Variants in IL1R2 observed in about 807,000 individuals in gnomAD.
The protein encoded by IL1R2 is interleukin 1 receptor type 2, also known as interleukin-1 receptor type 2.
In IL1R2, 46 loss-of-function variants were observed where a neutral mutation model predicts 39.5. The ratio of observed to expected loss-of-function variants is 1.16; its 90% CI spans 0.92 to 1.49. IL1R2 has a LOEUF of 1.49. Among genes scored for constraint, IL1R2 ranks in the 40% most tolerant of loss-of-function variants. The pLI, the probability that IL1R2 is intolerant of heterozygous loss-of-function variation, is 0.00. For missense variants in IL1R2, 537 were observed against 502.0 expected, an observed-to-expected ratio of 1.07 and a Z score of -0.67; for synonymous variants, 207 against 189.6, an observed-to-expected ratio of 1.09 and a Z score of -0.75.
chr2:102,022,083 A>T, intron 5 of IL1R2, 104 bp from the exon 6 acceptor site: 1 of 923,074 alleles, frequency 1.1e-6, no homozygotes, highest in Non-Finnish European at 1.8e-6. Context: ...ATGACTGGCC[A>T]TACTGGAAAG....
rs150067707 is a variant in IL1R2, at chr2:102,024,546, A to T, written c.765A>T (p.Thr255=). ...TISASLGSRL[T]IPCKVFLGTG... is the part of the protein sequence containing the mutation. ...TGCCATCCACAGGGTCAAGACTGAC[A>T]ATCCCGTGTAAGGTGTTTCTGGGAA... The change falls in exon 7 of 9, where the codon ACA becomes ACT. Residue 255 remains threonine (T), a synonymous_variant. Coordinates refer to ENST00000332549, the MANE Select transcript of IL1R2 (RefSeq NM_004633.4). 4.2e-5 allele frequency: 68 copies of T among 1,614,000 alleles called. No individual in the cohort carries two copies. The highest frequency in any genetic ancestry group is 4.0e-4 in the South Asian group (36 of 91,074).
In IL1R2 at chr2:102,028,346, CTG is replaced by C. The variant is rs1677864027; in HGVS notation, c.1154_1155del (p.Val385AlafsTer16). On this transcript the variant is annotated frameshift_variant, in exon 9 of 9. Transcript: ENST00000332549. LOFTEE classifies it low-confidence loss of function (END_TRUNC). ...AGAACTGGAAAAGCAGATGGTCTGA[CTG>C]TGCTATGGCCTCATCATCAAGACTT... 3.1e-6 allele frequency: 5 copies of C among 1,610,180 alleles called. No homozygotes were observed. The highest frequency in any genetic ancestry group is 3.4e-6 in the Non-Finnish European group (4 of 1,178,508).
At chr2:102,009,271 A>AT in intron 2 of IL1R2, among the ~76,000 whole-genome samples, 1 of 152,256 alleles carries the variant, frequency 6.6e-6, no homozygotes, top group East Asian at 1.9e-4. Context: ...TTAATCTTTA[A>AT]TTTTTTGTCA....
chr2:102,006,286 A>C lies in IL1R2; in HGVS notation c.-61-2229A>C, dbSNP rs1271105374. 2.6e-5 allele frequency among the ~76,000 whole-genome samples: 4 copies of C among 152,180 alleles called. No homozygotes were observed. The East Asian group carries it at 7.7e-4, about 29-fold the overall frequency. Reference sequence around the variant, plus strand: ...ATGTGACCTTCATCTGGCAAACCTGACAGTATGGTTAGGGGTAAAGTCACA... The same window carrying C: ...ATGTGACCTTCATCTGGCAAACCTGCCAGTATGGTTAGGGGTAAAGTCACA... On this transcript the variant is annotated intron_variant, in intron 1 of 8. Transcript: ENST00000332549.
Position 102,014,082 on chromosome 2 carries a change from G to T in IL1R2, c.333-1789G>T, listed in dbSNP as rs3218886. Among the ~76,000 whole-genome samples, 1,310 of 152,144 alleles carry T rather than the reference G, an allele frequency of 8.6e-3. 21 individuals are homozygous for T. Among genetic ancestry groups the T allele is most frequent in the African/African-American group, 0.03 (1,254 of 41,486 alleles). ...TTTTATGAAGTTTCTTGCTCAAGGG[G>T]AATTACCAGATCAATAATGTGAACA... On this transcript the variant is annotated intron_variant, in intron 3 of 8. Transcript: ENST00000332549.
At chr2:102,019,405 G>A (rs1677216347) in intron 4 of IL1R2, among the ~76,000 whole-genome samples, 1 of 152,046 alleles carries the variant, frequency 6.6e-6, no homozygotes, top group Non-Finnish European at 1.5e-5. Context: ...GGACAAATAT[G>A]CTCTAACTAT....
Position 102,018,549 on chromosome 2 carries a change from G to T in IL1R2, c.514-1089G>T, listed in dbSNP as rs3218933. On this transcript the variant is annotated intron_variant, in intron 4 of 8. Coordinates refer to ENST00000332549, the MANE Select transcript of IL1R2 (RefSeq NM_004633.4). ...AATGTGCATGGACAAAGATGTCATG[G>T]TGATGCTTAGTAATATTTATTCCCT... Among the ~76,000 whole-genome samples, 1,284 of 152,308 alleles carry T rather than the reference G, an allele frequency of 8.4e-3. 19 individuals carry two copies. The highest frequency in any genetic ancestry group is 0.03 in the African/African-American group (1,229 of 41,558).
At chr2:101,993,109 C>G (rs1391054325) in intron 1 of IL1R2, among the ~76,000 whole-genome samples, 1 of 152,050 alleles carries the variant, frequency 6.6e-6, no homozygotes, top group East Asian at 1.9e-4. Context: ...GAATGGAGGG[C>G]TTTCTTCCTT....
chr2:102,014,939 G>A (rs1676893655), intron 3 of IL1R2, among the ~76,000 whole-genome samples: 1 of 137,668 alleles, frequency 7.3e-6, no homozygotes, highest in African/African-American at 2.6e-5. Context: ...ATAATGATTA[G>A]GCTAGTAAAA....
At chr2:102,015,827 T>G in intron 3 of IL1R2, 44 bp from the exon 4 acceptor site, 1 of 1,470,132 alleles carries the variant, frequency 6.8e-7, no homozygotes, top group Non-Finnish European at 9.5e-7. Flanking sequence ...AGCTTTACTT[T>G]TATTTTGCCT....
rs3218856 is a variant in IL1R2 at position 102,010,204 on chromosome 2, T to A, written c.332+378T>A. On this transcript the variant is annotated intron_variant, in intron 3 of 8. Coordinates refer to ENST00000332549, the MANE Select transcript of IL1R2 (RefSeq NM_004633.4). ...ATGTAAACTCTGCAAGGGCAGGGAC[T>A]TGGTCTATGTTGTTCACTGTTGAAG... The A allele has an allele frequency of 4.9e-3, 1,028 of 208,942 alleles. 10 individuals are homozygous for A. Among genetic ancestry groups the A allele is most frequent in the African/African-American group, 0.022 (963 of 43,330 alleles). 12.9% of individuals were successfully genotyped at this position (208,942 alleles called of 1,614,324 possible). A position where few individuals can be genotyped will look rare whatever the true frequency, so the allele number is the denominator to read the frequency against.
At chr2:102,010,046 G>A (rs914782959) in intron 3 of IL1R2, 8 of 574,936 alleles carry the variant, frequency 1.4e-5, no homozygotes, top group South Asian at 4.4e-5. Context: ...TGGAGACAAC[G>A]TCCCTAGCCA....
intron 3 of IL1R2, among the ~76,000 whole-genome samples, chr2:102,013,443 G>C (rs1162929428): frequency 7.3e-6 from 1 of 136,178 alleles, no homozygotes; most frequent in Non-Finnish European, 1.5e-5. Flanking sequence ...CAAGCCATCA[G>C]AGAGGCCAAG....
At chr2:102,010,207 G>A (rs1423698628) in intron 3 of IL1R2, 2 of 207,444 alleles carry the variant, frequency 9.6e-6, no homozygotes, top group African/African-American at 4.6e-5. Context: ...CAGGGACTTG[G>A]TCTATGTTGT....
At chr2:102,024,691 T>C (rs377733536) in intron 7 of IL1R2, 23 bp downstream of exon 7, 2 of 1,613,834 alleles carry the variant, frequency 1.2e-6, no homozygotes, top group African/African-American at 1.3e-5. Flanking sequence ...GGGTCTTCTG[T>C]TGAGAACTCT....
At chr2:102,007,694 T>C (rs1676352705) in intron 1 of IL1R2, among the ~76,000 whole-genome samples, 1 of 152,150 alleles carries the variant, frequency 6.6e-6, no homozygotes, top group Admixed American at 6.5e-5. Flanking sequence ...GTAAAGTTTT[T>C]CCCCTATTGA....
At chr2:101,994,760 G>A (rs747232293) in intron 1 of IL1R2, among the ~76,000 whole-genome samples, 8 of 152,232 alleles carry the variant, frequency 5.3e-5, no homozygotes, top group Non-Finnish European at 7.3e-5. Flanking sequence ...TGAATATGTG[G>A]CTGATTCTGA....
intron 1 of IL1R2, among the ~76,000 whole-genome samples, chr2:102,004,866 G>A (rs1676165709): frequency 6.6e-6 from 1 of 152,182 alleles, no homozygotes; most frequent in African/African-American, 2.4e-5. Context: ...TCAAGTCCAG[G>A]GAGAGAAACC....
chr2:102,022,997 T>C (rs1043825686), intron 6 of IL1R2, among the ~76,000 whole-genome samples: 1 of 152,194 alleles, frequency 6.6e-6, no homozygotes, highest in East Asian at 1.9e-4. Flanking sequence ...TCACGTTGGC[T>C]CAGTGGAGGC....
Sources: allele counts gnomAD v4.1 joint callset (sites outside exome capture counted in the v4.1 genomes callset), GRCh38; gene constraint gnomAD v4.1.1; transcripts MANE v1.5; gene names NCBI Gene and HGNC (gene_info 2026-07-23, HGNC 2026-07-21).